The following RTN4RL1 variants were observed in gnomAD, a reference collection of about 807,000 sequenced individuals.
The protein encoded by RTN4RL1 is reticulon 4 receptor like 1, also known as reticulon-4 receptor-like 1.
In RTN4RL1, 7 loss-of-function variants were observed where a neutral mutation model predicts 25.6. That is an observed-to-expected ratio of 0.27 (90% CI 0.16 to 0.51). The LOEUF (loss-of-function observed/expected upper bound fraction) is 0.51, where lower values mean the gene tolerates loss of function less well. Among genes scored for constraint, RTN4RL1 ranks in the 20% least tolerant of loss-of-function variants. RTN4RL1 has a pLI of 0.97. For synonymous variants in RTN4RL1, 297 were observed against 288.2 expected (o/e 1.03, Z -0.31); for missense variants, 500 against 615.6 (o/e 0.81, Z 1.99).
chr17:2,024,751 G>A (rs998851864), intron 1 of RTN4RL1, 102 bp downstream of exon 1: 10 of 1,201,542 alleles, frequency 8.3e-6, no homozygotes, highest in South Asian at 1.4e-5. Context: ...CCCGCCGGGG[G>A]CTACTTCCCA....
intron 1 of RTN4RL1, among the ~76,000 whole-genome samples, chr17:2,007,940 C>T (rs564932985): frequency 2.0e-5 from 3 of 149,330 alleles, no homozygotes; most frequent in East Asian, 2.0e-4. Context: ...AGCAAGACTC[C>T]GTCTCAAAAA....
intron 1 of RTN4RL1, among the ~76,000 whole-genome samples, chr17:2,004,711 T>C (rs747697226): frequency 9.9e-5 from 15 of 152,226 alleles, no homozygotes; most frequent in South Asian, 2.1e-4. Flanking sequence ...AGAGCAAGGA[T>C]AGTCCTTGGC....
intron 1 of RTN4RL1, among the ~76,000 whole-genome samples, chr17:1,939,840 C>T (rs1400839635): frequency 6.6e-6 from 1 of 152,162 alleles, no homozygotes; most frequent in African/African-American, 2.4e-5. Context: ...AGGCCCCCAC[C>T]CTGGAGGGCC....
At chr17:2,004,883 C>T (rs538465843) in intron 1 of RTN4RL1, among the ~76,000 whole-genome samples, 1 of 152,210 alleles carries the variant, frequency 6.6e-6, no homozygotes, top group Non-Finnish European at 1.5e-5. Flanking sequence ...GTAGCTAAGG[C>T]CGGCACATGG....
At chr17:1,941,903 G>A (rs1027208102) in intron 1 of RTN4RL1, among the ~76,000 whole-genome samples, 4 of 152,160 alleles carry the variant, frequency 2.6e-5, no homozygotes, top group South Asian at 2.1e-4. Flanking sequence ...GCTTTGCCAC[G>A]GCTCCTCTCA....
intron 1 of RTN4RL1, among the ~76,000 whole-genome samples, chr17:1,975,724 G>A (rs1448115482): frequency 6.6e-6 from 1 of 152,124 alleles, no homozygotes; most frequent in Non-Finnish European, 1.5e-5. Flanking sequence ...CGTGTGACAG[G>A]AGGCTCAAAG....
At chr17:2,019,999 C>T (rs2067180048) in intron 1 of RTN4RL1, 1 of 152,238 alleles carries the variant, frequency 6.6e-6, no homozygotes. Context: ...TGCCTCTCCT[C>T]TCTGTCAGGG....
At chr17:1,982,325 A>G (rs1329955209) in intron 1 of RTN4RL1, among the ~76,000 whole-genome samples, 1 of 141,220 alleles carries the variant, frequency 7.1e-6, no homozygotes, top group Non-Finnish European at 1.5e-5. Flanking sequence ...AGAGAAGAGA[A>G]GAGGAAGCCG....
intron 1 of RTN4RL1, among the ~76,000 whole-genome samples, chr17:2,007,971 C>A (rs2151325041): frequency 6.8e-6 from 1 of 147,132 alleles, no homozygotes; most frequent in Non-Finnish European, 1.5e-5. Flanking sequence ...AAATAAACAA[C>A]AACAAAAAGC....
chr17:1,991,906 G>C (rs1006063676), intron 1 of RTN4RL1, among the ~76,000 whole-genome samples: 19 of 152,102 alleles, frequency 1.2e-4, no homozygotes, highest in African/African-American at 3.9e-4. Flanking sequence ...CTCTATTTAC[G>C]GAGCTGTAAC....
rs78861174 is a variant in RTN4RL1, at chr17:2,011,622, C to T, written c.13+13231G>A. Among the ~76,000 whole-genome samples, 988 of 152,264 alleles carry T rather than the reference C, an allele frequency of 6.5e-3. 13 individuals carry two copies. The highest frequency in any genetic ancestry group is 0.022 in the African/African-American group (916 of 41,548). On this transcript the variant is annotated intron_variant, in intron 1 of 1. Coordinates refer to ENST00000331238, the MANE Select transcript of RTN4RL1 (RefSeq NM_178568.4). ...ACGGAGGGCTGTACATTCTGGAGCT[C>T]CTCCCTTGCCTGGAGGCTTTGGGAG...
chr17:1,998,017 G>A lies in RTN4RL1; in HGVS notation c.13+26836C>T, dbSNP rs946320565. ...GGCGGGCAGCGATGTCCCCCTCAGG[G>A]TGCCGGGCGCCCCACCCCCACCCCC... On this transcript the variant is annotated intron_variant, in intron 1 of 1. Transcript: ENST00000331238. The surrounding 1 kb of genome is among the most constrained non-coding windows in gnomAD (Gnocchi z 4.9). Among the ~76,000 whole-genome samples, 15 of 152,058 alleles carry A rather than the reference G, an allele frequency of 9.9e-5. No homozygotes were observed. Among genetic ancestry groups the A allele is most frequent in the African/African-American group, 3.4e-4 (14 of 41,432 alleles).
intron 1 of RTN4RL1, among the ~76,000 whole-genome samples, chr17:1,954,630 C>T (rs954144962): frequency 2.0e-5 from 3 of 152,016 alleles, no homozygotes; most frequent in African/African-American, 7.2e-5. Context: ...TCAGATGATC[C>T]ACCCGCCTCG....
chr17:1,965,956 C>G (rs1281035701), intron 1 of RTN4RL1, among the ~76,000 whole-genome samples: 1 of 152,166 alleles, frequency 6.6e-6, no homozygotes, highest in Non-Finnish European at 1.5e-5. Context: ...CTCTCAGGCT[C>G]CCCACTAAAG....
chr17:1,970,019 C>CTTTTTT (rs59804703), intron 1 of RTN4RL1, among the ~76,000 whole-genome samples: 39 of 72,166 alleles, frequency 5.4e-4, no homozygotes, highest in South Asian at 8.9e-4. Context: ...CTCTCTCTCT[C>CTTTTTT]TTTTTTTTTT....
intron 1 of RTN4RL1, among the ~76,000 whole-genome samples, chr17:1,943,503 G>A (rs1481811817): frequency 6.6e-6 from 1 of 152,170 alleles, no homozygotes; most frequent in Non-Finnish European, 1.5e-5. Flanking sequence ...AGACCGGTAA[G>A]ATCCCTCTGG....
chr17:1,970,032 T>C (rs1277182878), intron 1 of RTN4RL1, among the ~76,000 whole-genome samples: 6 of 145,664 alleles, frequency 4.1e-5, no homozygotes, highest in African/African-American at 5.2e-5. Context: ...TTTTTTTTTT[T>C]TTTTTTTGAG....
intron 1 of RTN4RL1, among the ~76,000 whole-genome samples, chr17:2,016,080 C>G (rs2151328725): frequency 6.6e-6 from 1 of 152,274 alleles, no homozygotes; most frequent in Admixed American, 6.5e-5. Context: ...GAAACTCCTG[C>G]TATTGAAAAA....
chr17:2,015,576 G>A (rs971848402), intron 1 of RTN4RL1, among the ~76,000 whole-genome samples: 1 of 152,204 alleles, frequency 6.6e-6, no homozygotes. Flanking sequence ...CAGGGAAGCC[G>A]GGGAAGCAGG....
Sources: gnomAD v4.1 joint callset for allele counts (sites outside exome capture counted in the v4.1 genomes callset) on GRCh38, gnomAD v4.1.1 for gene constraint, Gnocchi (gnomAD v3.1) non-coding constraint, MANE v1.5 for transcripts, NCBI Gene and HGNC (gene_info 2026-07-23, HGNC 2026-07-21) for gene names.